ARSJ: variants seen among roughly 807,000 people sequenced by gnomAD.
ARSJ encodes the protein arylsulfatase J.
ARSJ carries 26 observed loss-of-function variants against 35.9 expected under a neutral mutation model. The ratio of observed to expected loss-of-function variants is 0.72; its 90% CI spans 0.53 to 1.00. The LOEUF (loss-of-function observed/expected upper bound fraction) is 1.00. Among genes scored for constraint, ARSJ ranks in the 50% least tolerant of loss-of-function variants. ARSJ has a pLI of 0.00. For missense variants in ARSJ, 667 were observed against 723.6 expected, an observed-to-expected ratio of 0.92 and a Z score of 0.90; for synonymous variants, 294 against 267.6, an observed-to-expected ratio of 1.10 and a Z score of -0.96.
At chr4:113,945,204 G>T (rs775349588) in intron 1 of ARSJ, among the ~76,000 whole-genome samples, 121 of 152,016 alleles carry the variant, frequency 8.0e-4, no homozygotes, top group Non-Finnish European at 1.4e-3. Flanking sequence ...GTGCAATGGT[G>T]AAATCACAGC....
At chr4:113,970,197 T>A (rs1727155111) in intron 1 of ARSJ, among the ~76,000 whole-genome samples, 1 of 152,178 alleles carries the variant, frequency 6.6e-6, no homozygotes, top group African/African-American at 2.4e-5. Context: ...AATCATCCAT[T>A]TCCCTGGAGT....
intron 1 of ARSJ, among the ~76,000 whole-genome samples, chr4:113,953,948 CA>C (rs951130488): frequency 6.6e-6 from 1 of 151,964 alleles, no homozygotes; most frequent in Non-Finnish European, 1.5e-5. Context: ...GTTCAAAAGG[CA>C]ATATTTCTAA....
At chr4:113,934,609 T>C (rs530462203) in intron 1 of ARSJ, among the ~76,000 whole-genome samples, 1 of 151,884 alleles carries the variant, frequency 6.6e-6, no homozygotes, top group Non-Finnish European at 1.5e-5. Context: ...TATTAATTGA[T>C]TGTACATTTC....
At chr4:113,920,243 G>C (rs1723584817) in intron 1 of ARSJ, among the ~76,000 whole-genome samples, 1 of 152,114 alleles carries the variant, frequency 6.6e-6, no homozygotes, top group Non-Finnish European at 1.5e-5. Flanking sequence ...ATGTTTGCAT[G>C]AGTGTTCAAA....
At position 113,903,269 on chromosome 4, in the gene ARSJ, G is replaced by C. The variant is rs1299474666; in HGVS notation, c.805C>G (p.His269Asp). Reference sequence around the variant, plus strand: ...CTGCCAGGAGCTTGCAGTGGTGAATGAACAGCTTGATAGGCAATATATAAA... The same window carrying C: ...CTGCCAGGAGCTTGCAGTGGTGAATCAACAGCTTGATAGGCAATATATAAA... ...IFLYIAYQAV[H>D]SPLQAPGRYF... The change falls in exon 2 of 2, where the codon CAT (histidine) becomes GAT (aspartate). Residue 269 changes from histidine (H) to aspartate (D), a missense_variant. His to Asp is a moderately conservative substitution (Grantham distance 81). Transcript: ENST00000315366. 1 of 1,614,198 alleles carries C rather than the reference G, an allele frequency of 6.2e-7. No homozygotes were observed. The highest frequency in any genetic ancestry group is 1.3e-5 in the African/African-American group (1 of 75,052).
intron 1 of ARSJ, among the ~76,000 whole-genome samples, chr4:113,938,302 T>C (rs1442332963): frequency 6.6e-6 from 1 of 152,106 alleles, no homozygotes; most frequent in African/African-American, 2.4e-5. Context: ...ATTCCCTATG[T>C]AATAAATGGT....
intron 1 of ARSJ, among the ~76,000 whole-genome samples, chr4:113,916,220 G>A (rs1723286487): frequency 6.6e-6 from 1 of 152,188 alleles, no homozygotes. Flanking sequence ...TCTCCAGCAT[G>A]TATTGTGGAA....
At chr4:113,908,843 T>C (rs1250697160) in intron 1 of ARSJ, among the ~76,000 whole-genome samples, 1 of 152,168 alleles carries the variant, frequency 6.6e-6, no homozygotes, top group African/African-American at 2.4e-5. Flanking sequence ...CAATGAATCA[T>C]CTTGCATTAC....
chr4:113,963,300 T>C (rs182571450), intron 1 of ARSJ, among the ~76,000 whole-genome samples: 12 of 152,204 alleles, frequency 7.9e-5, no homozygotes, highest in African/African-American at 2.9e-4. Flanking sequence ...TGCCTGAGAC[T>C]GGGTAGTTTA....
At chr4:113,912,041 T>C (rs997585847) in intron 1 of ARSJ, among the ~76,000 whole-genome samples, 3 of 152,212 alleles carry the variant, frequency 2.0e-5, no homozygotes, top group African/African-American at 4.8e-5. Context: ...TATTTCTTAA[T>C]GACAAATAGT....
intron 1 of ARSJ, among the ~76,000 whole-genome samples, chr4:113,905,990 C>T (rs72893424): frequency 0.018 from 2,762 of 152,194 alleles, 73 homozygotes; most frequent in African/African-American, 0.064. Flanking sequence ...GGATCCAAAA[C>T]ATTCAATTGT....
chr4:113,951,116 C>T (rs1725838238), intron 1 of ARSJ, among the ~76,000 whole-genome samples: 1 of 152,080 alleles, frequency 6.6e-6, no homozygotes, highest in Non-Finnish European at 1.5e-5. Context: ...ATACTTGTTA[C>T]TTAGTAGTAC....
Position 113,938,182 on chromosome 4 carries a change from A to G in ARSJ, c.399-34507T>C, listed in dbSNP as rs182287946. On this transcript the variant is annotated intron_variant, in intron 1 of 1. Coordinates refer to ENST00000315366, the MANE Select transcript of ARSJ (RefSeq NM_024590.4). ...CCAAAACGGCATGGTGCTGGTACAA[A>G]AACAGACACATAGACCAATGGAACA... is the stretch of plus-strand genomic sequence containing the variant. 5.1e-4 allele frequency among the ~76,000 whole-genome samples: 77 copies of G among 152,244 alleles called. 1 individual carries two copies. Among genetic ancestry groups the G allele is most frequent in the African/African-American group, 1.5e-3 (64 of 41,560 alleles).
At chr4:113,956,709 G>A (rs1035448877) in intron 1 of ARSJ, among the ~76,000 whole-genome samples, 8 of 152,040 alleles carry the variant, frequency 5.3e-5, no homozygotes, top group Non-Finnish European at 1.0e-4. Flanking sequence ...AGCAGCTCAC[G>A]CAATGGCATA....
intron 1 of ARSJ, among the ~76,000 whole-genome samples, chr4:113,932,595 G>A (rs1594439086): frequency 1.3e-5 from 2 of 151,910 alleles, no homozygotes; most frequent in Non-Finnish European, 2.9e-5. Flanking sequence ...TAGACAACAT[G>A]CTCCTGAATG....
intron 1 of ARSJ, among the ~76,000 whole-genome samples, chr4:113,936,313 T>TAAAACTCAACAAA (rs1724765070): frequency 6.6e-6 from 1 of 151,924 alleles, no homozygotes; most frequent in Non-Finnish European, 1.5e-5. Flanking sequence ...TGTTGAGTTT[T>TAAAACTCAACAAA]TATGGTTTAT....
chr4:113,923,191 A>G (rs529480289), intron 1 of ARSJ, among the ~76,000 whole-genome samples: 38 of 152,240 alleles, frequency 2.5e-4, no homozygotes, highest in African/African-American at 7.7e-4. Flanking sequence ...CTTAAAATAA[A>G]TTTCTTTCTT....
At chr4:113,966,482 C>T (rs773955569) in intron 1 of ARSJ, among the ~76,000 whole-genome samples, 1 of 152,106 alleles carries the variant, frequency 6.6e-6, no homozygotes, top group Non-Finnish European at 1.5e-5. Context: ...GAAGGCTGCA[C>T]ATGTGCTGTC....
intron 1 of ARSJ, among the ~76,000 whole-genome samples, chr4:113,932,239 G>T (rs1475839853): frequency 6.6e-6 from 1 of 151,872 alleles, no homozygotes; most frequent in East Asian, 1.9e-4. Flanking sequence ...AGATCCAAAG[G>T]CAGTGATGGA....
Sources: gnomAD v4.1 joint callset for allele counts (sites outside exome capture counted in the v4.1 genomes callset) on GRCh38, gnomAD v4.1.1 for gene constraint, MANE v1.5 for transcripts, NCBI Gene and HGNC (gene_info 2026-07-23, HGNC 2026-07-21) for gene names.